The following ROBO2 variants were observed in gnomAD, a reference collection of about 807,000 sequenced individuals.
The protein encoded by ROBO2 is roundabout guidance receptor 2.
A neutral mutation model predicts 160.8 loss-of-function variants in ROBO2; 53 were observed. That is an observed-to-expected ratio of 0.33 (90% CI 0.26 to 0.41). ROBO2 has a LOEUF of 0.41. Among genes scored for constraint, ROBO2 ranks in the 10% least tolerant of loss-of-function variants. The probability of loss-of-function intolerance (pLI) is 1.00; values close to 1 mark genes in which losing one functional copy is unlikely to be tolerated. For missense variants in ROBO2, 1,577 were observed against 1,722.4 expected, an observed-to-expected ratio of 0.92 and a Z score of 1.49; for synonymous variants, 664 against 611.7, an observed-to-expected ratio of 1.09 and a Z score of -1.26.
chr3:76,906,536 A>G (rs1359896103), intron 2 of ROBO2, among the ~76,000 whole-genome samples: 1 of 151,866 alleles, frequency 6.6e-6, no homozygotes, highest in East Asian at 1.9e-4. Flanking sequence ...CCTGGCACAT[A>G]GTATGTAATA....
intron 2 of ROBO2, among the ~76,000 whole-genome samples, chr3:76,782,018 G>A (rs1478393223): frequency 6.6e-6 from 1 of 150,616 alleles, no homozygotes; most frequent in Non-Finnish European, 1.5e-5. Flanking sequence ...GGAGGTTTTT[G>A]ATTACGGATT....
At chr3:76,156,186 G>A (rs1250048261) in intron 2 of ROBO2, among the ~76,000 whole-genome samples, 1 of 151,838 alleles carries the variant, frequency 6.6e-6, no homozygotes, top group African/African-American at 2.4e-5. Context: ...ACATATTATA[G>A]AAGGAGATGA....
Position 76,487,920 on chromosome 3 carries a change from G to C in ROBO2, c.109+550318G>C, listed in dbSNP as rs113870315. On this transcript the variant is annotated intron_variant, in intron 2 of 26. Coordinates refer to the ROBO2 transcript ENST00000487694. ...AACACCAGCAAGAGAGACTCTCTCT[G>C]AGTTTAGCCTGCAAAGGTAGTTATA... Among the ~76,000 whole-genome samples the C allele has an allele frequency of 4.1e-4, 63 of 152,280 alleles. 1 individual carries two copies. Among genetic ancestry groups the C allele is most frequent in the African/African-American group, 1.3e-3 (52 of 41,552 alleles).
chr3:76,562,301 C>G (rs562300575), intron 2 of ROBO2, among the ~76,000 whole-genome samples: 1 of 151,898 alleles, frequency 6.6e-6, no homozygotes, highest in African/African-American at 2.4e-5. Context: ...CCTATAATAC[C>G]TGGATTATAG....
intron 2 of ROBO2, chr3:76,434,737 G>C (rs116305107): frequency 1.1e-5 from 12 of 1,106,408 alleles, no homozygotes; most frequent in East Asian, 7.1e-5. Flanking sequence ...TCTACCAGTT[G>C]AGGCTCAGAT....
intron 2 of ROBO2, among the ~76,000 whole-genome samples, chr3:76,697,661 T>G (rs1260261755): frequency 1.4e-5 from 2 of 146,496 alleles, no homozygotes; most frequent in Admixed American, 7.0e-5. Flanking sequence ...AGAACAAAAA[T>G]TTACATTATA....
At chr3:76,857,147 G>T (rs967918533) in intron 2 of ROBO2, among the ~76,000 whole-genome samples, 2 of 151,908 alleles carry the variant, frequency 1.3e-5, no homozygotes, top group African/African-American at 2.4e-5. Flanking sequence ...CACCACGCCC[G>T]GATAATTTTT....
intron 2 of ROBO2, among the ~76,000 whole-genome samples, chr3:76,896,039 C>A (rs780545580): frequency 1.3e-5 from 2 of 152,136 alleles, no homozygotes; most frequent in Non-Finnish European, 2.9e-5. Context: ...GAGCTCAGTT[C>A]TTTACTTGCA....
rs144815052 is a variant in ROBO2 at position 76,736,527 on chromosome 3, T to C, written c.110-361487T>C. On this transcript the variant is annotated intron_variant, in intron 2 of 26. Transcript: ENST00000487694. ...GATTATCCAACAATCAGTTACTTTT[T>C]TCACCAATAAATGTTTTGTTTGGAA... Among the ~76,000 whole-genome samples, 99 of 152,280 alleles carry C rather than the reference T, an allele frequency of 6.5e-4. 1 individual carries two copies. The highest frequency in any genetic ancestry group is 3.4e-3 in the Middle Eastern group (1 of 294).
At chr3:76,576,705 T>C (rs1196724437) in intron 2 of ROBO2, among the ~76,000 whole-genome samples, 10 of 137,664 alleles carry the variant, frequency 7.3e-5, no homozygotes, top group South Asian at 2.3e-4. Context: ...TTCTTTCTTT[T>C]TTTTTTTTTT....
At chr3:76,219,581 C>A (rs1289188373) in intron 2 of ROBO2, among the ~76,000 whole-genome samples, 1 of 152,194 alleles carries the variant, frequency 6.6e-6, no homozygotes, top group East Asian at 1.9e-4. Flanking sequence ...AAAAAATGCT[C>A]ATCTTCACTG....
chr3:77,077,991 T>TAC (rs1434600161), intron 1 of ROBO2, among the ~76,000 whole-genome samples: 1 of 152,126 alleles, frequency 6.6e-6, no homozygotes, highest in African/African-American at 2.4e-5. Context: ...TGGCATCTAG[T>TAC]ACACACACAC....
intron 2 of ROBO2, among the ~76,000 whole-genome samples, chr3:76,663,313 G>A (rs1338358779): frequency 6.6e-6 from 1 of 152,168 alleles, no homozygotes; most frequent in Non-Finnish European, 1.5e-5. Context: ...GGCTAAGTTT[G>A]TGGAGCCTGT....
intron 2 of ROBO2, among the ~76,000 whole-genome samples, chr3:76,135,943 A>G (rs898856451): frequency 9.2e-6 from 1 of 108,912 alleles, no homozygotes; most frequent in Non-Finnish European, 1.9e-5. Flanking sequence ...TTATTTTACT[A>G]CAAGGCAATA....
chr3:76,947,713 T>A (rs771401183), intron 2 of ROBO2, among the ~76,000 whole-genome samples: 2 of 151,684 alleles, frequency 1.3e-5, no homozygotes, highest in Non-Finnish European at 2.9e-5. Flanking sequence ...ATGGGACTGG[T>A]TTTTTTCTTA....
chr3:76,226,418 G>A (rs924970188), intron 2 of ROBO2, among the ~76,000 whole-genome samples: 23 of 152,076 alleles, frequency 1.5e-4, no homozygotes, highest in African/African-American at 5.6e-4. Flanking sequence ...GCCCTGAAGG[G>A]TGGTGATGAA....
rs530981445 is a variant in ROBO2, at chr3:77,519,206, A to AAAAC, written c.807-3557_807-3554dup. Among the ~76,000 whole-genome samples, 362 of 151,596 alleles carry AAAAC rather than the reference A, an allele frequency of 2.4e-3. 3 individuals carry two copies. The highest frequency in any genetic ancestry group is 5.0e-3 in the Admixed American group (76 of 15,170). On this transcript the variant is annotated intron_variant, in intron 5 of 25. Coordinates refer to ENST00000461745, the Ensembl canonical transcript of ROBO2. ...CCCTGATCAACGTACCATTAATTAA[A>AAAAC]AAACAAACAAACAAAATCTTATTCC...
chr3:76,400,878 A>C (rs1302535956), intron 2 of ROBO2, among the ~76,000 whole-genome samples: 2 of 151,510 alleles, frequency 1.3e-5, no homozygotes, highest in African/African-American at 4.8e-5. Flanking sequence ...GATCCACAAG[A>C]AAGTTTCAAC....
intron 2 of ROBO2, among the ~76,000 whole-genome samples, chr3:76,990,911 C>CT (rs2060629559): frequency 1.3e-5 from 2 of 152,114 alleles, no homozygotes; most frequent in African/African-American, 4.8e-5. Context: ...AACAGGCTCC[C>CT]CTCCCAAGTG....
Sources: gnomAD v4.1 joint callset for allele counts (sites outside exome capture counted in the v4.1 genomes callset) on GRCh38, gnomAD v4.1.1 for gene constraint, MANE v1.5 for transcripts, NCBI Gene and HGNC (gene_info 2026-07-23, HGNC 2026-07-21) for gene names.